MYBBP1A: variants seen among roughly 807,000 people sequenced by gnomAD.
The protein encoded by MYBBP1A is MYB binding protein 1a, also known as myb-binding protein 1A.
A neutral mutation model predicts 136.3 loss-of-function variants in MYBBP1A; 147 were observed. That is an observed-to-expected ratio of 1.08 (90% CI 0.94 to 1.24). The LOEUF (loss-of-function observed/expected upper bound fraction) is 1.24. Ranked by LOEUF, MYBBP1A falls within the 50% of genes most tolerant of loss-of-function variation. MYBBP1A has a pLI of 0.00. For synonymous variants in MYBBP1A, 947 were observed against 735.8 expected (o/e 1.29, Z -4.65); for missense variants, 2,060 against 1,727.4 (o/e 1.19, Z -3.41).
In MYBBP1A at chr17:4,548,217, G is replaced by A. The variant is rs1203215441; in HGVS notation, c.1650C>T (p.Asp550=). 22 of 1,609,974 alleles carry A rather than the reference G, an allele frequency of 1.4e-5. No homozygotes were observed. The highest frequency in any genetic ancestry group is 1.9e-5 in the Non-Finnish European group (22 of 1,179,942). Residue 550 remains aspartate (D), a synonymous_variant, in exon 12 of 26, where the codon GAC becomes GAT. Transcript: ENST00000254718. This position sits in a 1 kb window ranked among gnomAD's most constrained non-coding sequence, Gnocchi z 4.2. ...PWTYHLVQFA[D]LLLNHSHNVT... ...CGTTGTGGCTGTGATTCAACAGGAGGTCTGCGAACTGCACCAGGTGGTAGG... is the reference window on the plus strand; with the variant it reads ...CGTTGTGGCTGTGATTCAACAGGAGATCTGCGAACTGCACCAGGTGGTAGG...
chr17:4,544,087 A>G (rs1352953189), intron 19 of MYBBP1A, among the ~76,000 whole-genome samples: 3 of 151,836 alleles, frequency 2.0e-5, no homozygotes, highest in Non-Finnish European at 2.9e-5. Flanking sequence ...TCCCATGCAC[A>G]CTACACCTCC....
intron 22 of MYBBP1A, 47 bp from the exon 23 acceptor site, chr17:4,541,938 G>A (rs754929736): frequency 1.6e-5 from 24 of 1,508,994 alleles, no homozygotes; most frequent in East Asian, 2.3e-5. Context: ...CACGTTGGGT[G>A]CTCACGGCTC....
In MYBBP1A at chr17:4,548,911, G is replaced by A. The variant is rs58490659; in HGVS notation, c.1431-262C>T. 0.053 allele frequency among the ~76,000 whole-genome samples: 8,010 copies of A among 152,310 alleles called. 721 individuals carry two copies. The highest frequency in any genetic ancestry group is 0.18 in the African/African-American group (7,533 of 41,550). On this transcript the variant is annotated intron_variant, in intron 10 of 25. Transcript: ENST00000254718. The surrounding 1 kb of genome is among the most constrained non-coding windows in gnomAD (Gnocchi z 4.2). ...TAGAGAGAGTCAGTGCCCCTCTCAA[G>A]GAACCAACAGATGGGAGGCTGTGTG...
intron 18 of MYBBP1A, 52 bp from the exon 19 acceptor site, chr17:4,544,698 G>A (rs530601113): frequency 4.0e-5 from 60 of 1,503,372 alleles, no homozygotes; most frequent in Middle Eastern, 1.9e-4. Context: ...ACAGGGAGGC[G>A]GGGGTGGGCG....
Position 4,539,368 on chromosome 17 carries a change from G to T in MYBBP1A, c.*47C>A. On this transcript the variant is annotated 3_prime_UTR_variant, in exon 26 of 26. Transcript: ENST00000254718. The stretch of plus-strand genomic sequence containing the variant: ...TTAAAAAAAAAAAAAAAAAATAGGC[G>T]TCTCAGGCAGATGGAGGCAGGGGCT... 6.6e-7 allele frequency: 1 copy of T among 1,512,714 alleles called. No homozygotes were observed. The highest frequency in any genetic ancestry group is 2.3e-5 in the Admixed American group (1 of 43,988). 93.7% of individuals were successfully genotyped at this position (1,512,714 alleles called of 1,614,324 possible). A position where few individuals can be genotyped will look rare whatever the true frequency, so the allele number is the denominator to read the frequency against.
chr17:4,545,842 C>A lies in MYBBP1A; in HGVS notation c.1921+4G>T. 1.2e-6 allele frequency: 2 copies of A among 1,612,864 alleles called. No homozygotes were observed. Among genetic ancestry groups the A allele is most frequent in the South Asian group, 2.2e-5 (2 of 90,916 alleles). On this transcript the variant is annotated splice_donor_region_variant and intron_variant, in intron 14 of 25. Transcript: ENST00000254718. Reference sequence around the variant, plus strand: ...TCTAGTCCCTCTCGTGACCAAGGACCCACCGATGGTCTTGGTGCGGCTCCG... The same window carrying A: ...TCTAGTCCCTCTCGTGACCAAGGACACACCGATGGTCTTGGTGCGGCTCCG...
Position 4,550,169 on chromosome 17 carries a change from A to G in MYBBP1A, c.1208T>C (p.Leu403Pro). 6.2e-7 allele frequency: 1 copy of G among 1,613,956 alleles called. No homozygotes were observed. The highest frequency in any genetic ancestry group is 1.3e-5 in the African/African-American group (1 of 75,068). The change falls in exon 9 of 26, where the codon CTG (leucine) becomes CCG (proline). Residue 403 changes from leucine to proline, a missense_variant. Physicochemically the swap from Leu to Pro is moderately conservative, Grantham distance 98. Coordinates refer to ENST00000254718, the MANE Select transcript of MYBBP1A (RefSeq NM_014520.4). ...CCGCAGCCAGGCCACATAGCCCTGCAGGGCCGGAGGGCTCAGGAACCGCAC... is the reference window on the plus strand; with the variant it reads ...CCGCAGCCAGGCCACATAGCCCTGCGGGGCCGGAGGGCTCAGGAACCGCAC... ...RVVRFLSPPA[L>P]QGYVAWLRAM...
intron 24 of MYBBP1A, 53 bp from the exon 25 acceptor site, chr17:4,540,537 G>C: frequency 6.6e-7 from 1 of 1,520,676 alleles, no homozygotes; most frequent in East Asian, 2.3e-5. Flanking sequence ...GGGGCCTCTC[G>C]CGGGCTCCCA....
In MYBBP1A at chr17:4,552,338, G is replaced by C. The variant is rs1182025891; in HGVS notation, c.738-46C>G. ...AGGGAACACTTGCCTCACAGGCAAG[G>C]GCCAGGGTGACAAGAGCAGCCGGGA... On this transcript the variant is annotated intron_variant, in intron 6 of 25. Coordinates refer to ENST00000254718, the MANE Select transcript of MYBBP1A (RefSeq NM_014520.4). This position sits in a 1 kb window ranked among gnomAD's most constrained non-coding sequence, Gnocchi z 4.7. 6.2e-7 allele frequency: 1 copy of C among 1,610,432 alleles called. No homozygotes were observed. The highest frequency in any genetic ancestry group is 8.5e-7 in the Non-Finnish European group (1 of 1,178,454).
At chr17:4,543,984 T>G (rs1476319408) in intron 19 of MYBBP1A, among the ~76,000 whole-genome samples, 2 of 152,162 alleles carry the variant, frequency 1.3e-5, no homozygotes, top group Non-Finnish European at 2.9e-5. Flanking sequence ...GCCTCGCTGC[T>G]TGCCTGACCT....
Position 4,539,579 on chromosome 17 carries a change from T to C in MYBBP1A, c.3823A>G (p.Lys1275Glu). 6.2e-7 allele frequency: 1 copy of C among 1,614,148 alleles called. No homozygotes were observed. The highest frequency in any genetic ancestry group is 8.5e-7 in the Non-Finnish European group (1 of 1,180,020). ...TTGGGAAGAGCCTTCTGATGCTGCT[T>C]TTGGCCTGCAGGTTCCGTGGGGGAC... The part of the protein sequence containing the change: ...PGSPTEPAGQ[K>E]QHQKALPKKG... The change falls in exon 26 of 26, where the codon AAG (lysine) becomes GAG (glutamate). Residue 1275 changes from lysine (K) to glutamate (E), a missense_variant. Lys to Glu is a moderately conservative substitution (Grantham distance 56). Coordinates refer to ENST00000254718, the MANE Select transcript of MYBBP1A (RefSeq NM_014520.4).
At position 4,548,555 on chromosome 17, in the gene MYBBP1A, C is replaced by A; in HGVS notation, c.1525G>T (p.Ala509Ser). The stretch of plus-strand genomic sequence containing the variant: ...AAGGCACTGCTGACAGCCTCTCGGG[C>A]CTGGTTTTCCAAAGGGAAGGAGAAC... ...HPFSFPLENQ[A>S]REAVSSAFFS... Residue 509 changes from alanine to serine, a missense_variant, in exon 11 of 26, where the codon GCC becomes TCC. Transcript: ENST00000254718. The surrounding 1 kb of genome is among the most constrained non-coding windows in gnomAD (Gnocchi z 4.2). 2 of 1,614,194 alleles carry A rather than the reference C, an allele frequency of 1.2e-6. No homozygotes were observed. The highest frequency in any genetic ancestry group is 1.7e-6 in the Non-Finnish European group (2 of 1,180,038).
Position 4,552,722 on chromosome 17 carries a change from G to T in MYBBP1A, c.562-96C>A. The stretch of plus-strand genomic sequence containing the variant: ...TCCTGACACGGGGCCACCTGGTGAG[G>T]TATCAGAGTCATCAGAGGCCAGTTG... On this transcript the variant is annotated intron_variant, in intron 5 of 25. Coordinates refer to ENST00000254718, the MANE Select transcript of MYBBP1A (RefSeq NM_014520.4). The surrounding 1 kb of genome is among the most constrained non-coding windows in gnomAD (Gnocchi z 4.7). 1 of 1,190,416 alleles carries T rather than the reference G, an allele frequency of 8.4e-7. No homozygotes were observed. The highest frequency in any genetic ancestry group is 1.5e-5 in the South Asian group (1 of 66,064). 73.7% of individuals were successfully genotyped at this position (1,190,416 alleles called of 1,614,324 possible).
rs935075953 is a variant in MYBBP1A at position 4,548,812 on chromosome 17, G to A, written c.1431-163C>T. Among the ~76,000 whole-genome samples the A allele has an allele frequency of 6.6e-6, 1 of 152,222 alleles. No homozygotes were observed. The highest frequency in any genetic ancestry group is 2.1e-4 in the South Asian group (1 of 4,834). On this transcript the variant is annotated intron_variant, in intron 10 of 25. Transcript: ENST00000254718. This position sits in a 1 kb window ranked among gnomAD's most constrained non-coding sequence, Gnocchi z 4.2. ...GGCCTGACGGGCAAGGCTGGAGGGG[G>A]CTGGGCTGGGCTAGGATGGGAAGGG...
Position 4,554,063 on chromosome 17 carries a change from G to A in MYBBP1A, c.409C>T (p.Leu137=), listed in dbSNP as rs779453866. ...AMLRPALFAN[L]FGVLALFQSG... ...TGAAAGAGGGCGAGCACTCCAAACA[G>A]GTTTGCAAAGAGAGCAGGTCTCAGC... Residue 137 remains leucine (L), a synonymous_variant, in exon 4 of 26, where the codon CTG becomes TTG. Coordinates refer to ENST00000254718, the MANE Select transcript of MYBBP1A (RefSeq NM_014520.4). The A allele has an allele frequency of 1.9e-6, 3 of 1,614,010 alleles. No homozygotes were observed. Among genetic ancestry groups the A allele is most frequent in the East Asian group, 2.2e-5 (1 of 44,880 alleles).
chr17:4,546,066 G>A (rs185419503), intron 13 of MYBBP1A, 124 bp from the exon 14 acceptor site: 74 of 808,348 alleles, frequency 9.2e-5, no homozygotes, highest in Middle Eastern at 2.8e-4. Flanking sequence ...CCACTGGCCC[G>A]CCCTGGCCAG....
intron 8 of MYBBP1A, among the ~76,000 whole-genome samples, chr17:4,551,546 C>T (rs1303678906): frequency 6.6e-6 from 1 of 152,130 alleles, no homozygotes; most frequent in Non-Finnish European, 1.5e-5. Context: ...CCGTCTCTAC[C>T]AAAAATACAA....
At chr17:4,553,260 T>A (rs1046864576) in intron 5 of MYBBP1A, among the ~76,000 whole-genome samples, 5 of 152,258 alleles carry the variant, frequency 3.3e-5, no homozygotes, top group African/African-American at 9.6e-5. Context: ...CAGTAAGCCC[T>A]GGCCTGGAGA....
At position 4,539,402 on chromosome 17, in the gene MYBBP1A, C is replaced by A. The variant is rs201063703; in HGVS notation, c.*13G>T. 4.4e-6 allele frequency: 7 copies of A among 1,597,468 alleles called. No homozygotes were observed. In the African/African-American group the frequency reaches 6.7e-5, roughly 15 times the overall value. ...AGATGGAGGCAGGGGCTGAGGGGGG[C>A]CCGTACCTGTGCTCAGGGCTTCCCT... On this transcript the variant is annotated 3_prime_UTR_variant, in exon 26 of 26. Transcript: ENST00000254718.
Sources: gnomAD v4.1 joint callset for allele counts (sites outside exome capture counted in the v4.1 genomes callset) on GRCh38, gnomAD v4.1.1 for gene constraint, Gnocchi (gnomAD v3.1) non-coding constraint, MANE v1.5 for transcripts, NCBI Gene and HGNC (gene_info 2026-07-23, HGNC 2026-07-21) for gene names.